The following TXNDC16 variants were observed in gnomAD, a reference collection of about 807,000 sequenced individuals.
TXNDC16 encodes the protein thioredoxin domain-containing protein 16.
Under a neutral mutation model 85.6 loss-of-function variants are expected in TXNDC16, and 74 were observed. The observed-to-expected ratio is 0.86, with a 90% CI of 0.72 to 1.05. The LOEUF is 1.05. Ranked by LOEUF, TXNDC16 falls within the 50% of genes least tolerant of loss-of-function variation. The pLI, the probability that TXNDC16 is intolerant of heterozygous loss-of-function variation, is 0.00. For missense variants in TXNDC16, 959 were observed against 947.0 expected (o/e 1.01, Z -0.17); for synonymous variants, 335 against 326.5 (o/e 1.03, Z -0.28).
chr14:52,496,416 G>A (rs1324274102), intron 9 of TXNDC16, among the ~76,000 whole-genome samples: 4 of 124,502 alleles, frequency 3.2e-5, no homozygotes, highest in African/African-American at 1.3e-4. Flanking sequence ...CCTCCAACTC[G>A]TCTTTTTTTT....
chr14:52,442,242 T>C (rs539542982), intron 18 of TXNDC16, among the ~76,000 whole-genome samples: 1 of 152,302 alleles, frequency 6.6e-6, no homozygotes, highest in African/African-American at 2.4e-5. Context: ...TCCACGTCCA[T>C]TATTTCATCC....
At chr14:52,548,674 G>C (rs1566593618) in intron 1 of TXNDC16, among the ~76,000 whole-genome samples, 1 of 152,090 alleles carries the variant, frequency 6.6e-6, no homozygotes, top group Non-Finnish European at 1.5e-5. Flanking sequence ...CTGAGGTCAG[G>C]AGTTCGAGAC....
chr14:52,435,216 G>A (rs2034997537), intron 20 of TXNDC16, among the ~76,000 whole-genome samples: 1 of 151,472 alleles, frequency 6.6e-6, no homozygotes, highest in African/African-American at 2.4e-5. Context: ...AGGAAGCTAG[G>A]GCAGGAGCTC....
intron 12 of TXNDC16, among the ~76,000 whole-genome samples, chr14:52,485,678 G>C (rs1370959419): frequency 6.6e-6 from 1 of 152,018 alleles, no homozygotes; most frequent in African/African-American, 2.4e-5. Context: ...TGTGTTATAG[G>C]TACCTACAGT....
rs1332093174 is a variant in TXNDC16, at chr14:52,431,084, C to A, written c.*1220G>T. 6.6e-6 allele frequency: 1 copy of A among 152,120 alleles called. No individual in the cohort carries two copies. Among genetic ancestry groups the A allele is most frequent in the Non-Finnish European group, 1.5e-5 (1 of 68,016 alleles). The allele number at this position is 152,120 out of a possible 1,614,324, so 9.4% of individuals were successfully genotyped here. On this transcript the variant is annotated 3_prime_UTR_variant, in exon 21 of 21. Transcript: ENST00000281741. Reference sequence around the variant, plus strand: ...CAAATGTCTCAAAAAATGCACAGAGCAAAAATGAGACAAACAACTGCTACA... The same window carrying A: ...CAAATGTCTCAAAAAATGCACAGAGAAAAAATGAGACAAACAACTGCTACA...
Position 52,536,801 on chromosome 14 carries a change from A to G in TXNDC16, c.318-8T>C. 1 of 1,597,268 alleles carries G rather than the reference A, an allele frequency of 6.3e-7. No homozygotes were observed. Among genetic ancestry groups the G allele is most frequent in the Non-Finnish European group, 8.5e-7 (1 of 1,171,180 alleles). ...CTGAGCAATATGTTGCCCCTATAAAAAGTTTAAAAACATATTAATATTGAA... is the reference window on the plus strand; with the variant it reads ...CTGAGCAATATGTTGCCCCTATAAAGAGTTTAAAAACATATTAATATTGAA... On this transcript the variant is annotated splice_region_variant and splice_polypyrimidine_tract_variant and intron_variant, in intron 5 of 20. Transcript: ENST00000281741.
chr14:52,538,699 T>G (rs753189051), intron 4 of TXNDC16, among the ~76,000 whole-genome samples: 41 of 152,176 alleles, frequency 2.7e-4, no homozygotes, highest in Non-Finnish European at 5.1e-4. Context: ...GCCACCAATG[T>G]TAACTAACCA....
chr14:52,481,228 A>G (rs1028396745), intron 14 of TXNDC16, among the ~76,000 whole-genome samples: 1 of 151,916 alleles, frequency 6.6e-6, no homozygotes, highest in Non-Finnish European at 1.5e-5. Flanking sequence ...ACAAGGCCAC[A>G]AATTGGGTGC....
At chr14:52,474,730 CA>C (rs200222566) in intron 14 of TXNDC16, among the ~76,000 whole-genome samples, 2,732 of 125,978 alleles carry the variant, frequency 0.022, 49 homozygotes, top group Admixed American at 0.057. Flanking sequence ...AACTCCATCT[CA>C]AAAAAAAAAA....
intron 9 of TXNDC16, among the ~76,000 whole-genome samples, chr14:52,503,650 C>T (rs1188657265): frequency 6.6e-6 from 1 of 152,144 alleles, no homozygotes; most frequent in Non-Finnish European, 1.5e-5. Context: ...AAACTGGAAA[C>T]CCTAAAAATC....
intron 14 of TXNDC16, among the ~76,000 whole-genome samples, chr14:52,472,534 C>CACA (rs1220345374): frequency 6.6e-6 from 1 of 152,142 alleles, no homozygotes; most frequent in African/African-American, 2.4e-5. Context: ...CACTGCCTTG[C>CACA]ACAATGTCTG....
intron 14 of TXNDC16, 96 bp downstream of exon 14, chr14:52,482,134 T>G: frequency 8.5e-7 from 1 of 1,180,306 alleles, no homozygotes; most frequent in South Asian, 1.6e-5. Flanking sequence ...GTAACTGAAA[T>G]TTTATGTGGT....
At chr14:52,488,219 G>T in intron 12 of TXNDC16, 144 bp downstream of exon 12, 1 of 940,160 alleles carries the variant, frequency 1.1e-6, no homozygotes, top group Non-Finnish European at 1.6e-6. Context: ...TTGATAAAAT[G>T]TGGTTCCAAA....
chr14:52,469,988 A>G, intron 16 of TXNDC16, 49 bp downstream of exon 16: 1 of 1,455,252 alleles, frequency 6.9e-7, no homozygotes. Context: ...TAAAACTAGC[A>G]AGCAATGATA....
At position 52,435,163 on chromosome 14, in the gene TXNDC16, G is replaced by A. The variant is rs1474684743; in HGVS notation, c.2195-2576C>T. Among the ~76,000 whole-genome samples, 7 of 151,920 alleles carry A rather than the reference G, an allele frequency of 4.6e-5. No individual in the cohort carries two copies. The East Asian group carries it at 1.3e-3, about 29-fold the overall frequency. ...ATTAAACTCATTTTATAGTTGTAGA[G>A]GAGGAAACCAAGAATGACTTGCCTA... On this transcript the variant is annotated intron_variant, in intron 20 of 20. Coordinates refer to ENST00000281741, the MANE Select transcript of TXNDC16 (RefSeq NM_020784.3).
At chr14:52,471,033 C>G (rs887281841) in intron 14 of TXNDC16, among the ~76,000 whole-genome samples, 5 of 152,182 alleles carry the variant, frequency 3.3e-5, no homozygotes, top group African/African-American at 1.2e-4. Context: ...GGCCCAAACT[C>G]CTTGAAGTTC....
At chr14:52,507,268 GGACA>G (rs1210692887) in intron 9 of TXNDC16, among the ~76,000 whole-genome samples, 1 of 151,926 alleles carries the variant, frequency 6.6e-6, no homozygotes, top group African/African-American at 2.4e-5. Context: ...TATACACCAA[GGACA>G]GACAAACAGA....
chr14:52,537,318 A>G (rs2037726992), intron 5 of TXNDC16, among the ~76,000 whole-genome samples: 2 of 152,196 alleles, frequency 1.3e-5, no homozygotes, highest in Admixed American at 1.3e-4. Context: ...TACCCAGAAC[A>G]TTAAATTTGG....
Position 52,457,112 on chromosome 14 carries a change from A to T in TXNDC16, c.1681T>A (p.Ser561Thr), listed in dbSNP as rs2035553001. 1.3e-6 allele frequency: 2 copies of T among 1,589,738 alleles called. No individual in the cohort carries two copies. The highest frequency in any genetic ancestry group is 2.3e-5 in the South Asian group (2 of 85,710). ...TACAGTAGCAAAACATCTTCTTCAG[A>T]ATAAATTCCAGTGATAACATATCCT... is the stretch of plus-strand genomic sequence containing the variant. ...LKGYVITGIY[S>T]EEDVLLLSTK... is the part of the protein sequence containing the mutation. Residue 561 changes from serine to threonine, a missense_variant, in exon 17 of 21, where the codon TCT becomes ACT. Coordinates refer to ENST00000281741, the MANE Select transcript of TXNDC16 (RefSeq NM_020784.3).
Sources: allele counts gnomAD v4.1 joint callset (sites outside exome capture counted in the v4.1 genomes callset), GRCh38; gene constraint gnomAD v4.1.1; transcripts MANE v1.5; gene names NCBI Gene and HGNC (gene_info 2026-07-23, HGNC 2026-07-21).